The following ANKRD33B variants were observed in gnomAD, a reference collection of about 807,000 sequenced individuals.
ANKRD33B encodes ankyrin repeat domain-containing protein 33B.
In ANKRD33B, 6 loss-of-function variants were observed where a neutral mutation model predicts 21.5. The ratio of observed to expected loss-of-function variants is 0.28; its 90% confidence interval spans 0.15 to 0.55. The LOEUF is 0.55. Ranked by LOEUF, ANKRD33B falls within the 20% of genes least tolerant of loss-of-function variation. The pLI, the probability that ANKRD33B is intolerant of heterozygous loss-of-function variation, is 0.94. For missense variants in ANKRD33B, 698 were observed against 747.2 expected, an observed-to-expected ratio of 0.93 and a Z score of 0.77; for synonymous variants, 347 against 342.4, an observed-to-expected ratio of 1.01 and a Z score of -0.15.
At chr5:10,626,004 AG>A (rs1407840337) in intron 2 of ANKRD33B, among the ~76,000 whole-genome samples, 2 of 152,330 alleles carry the variant, frequency 1.3e-5, no homozygotes, top group East Asian at 1.9e-4. Context: ...AGAGTGACCC[AG>A]GCCAAGAAGC....
chr5:10,586,449 C>G (rs1320113034), intron 1 of ANKRD33B, among the ~76,000 whole-genome samples: 1 of 151,546 alleles, frequency 6.6e-6, no homozygotes, highest in African/African-American at 2.4e-5. Flanking sequence ...AGACCTGATA[C>G]ACTGTGAGAA....
At chr5:10,601,572 C>G (rs374122079) in intron 1 of ANKRD33B, among the ~76,000 whole-genome samples, 95 of 152,338 alleles carry the variant, frequency 6.2e-4, no homozygotes, top group African/African-American at 2.2e-3. Context: ...CTTCCCCAGA[C>G]TGAATGTCCT....
At chr5:10,597,728 T>C (rs1314109822) in intron 1 of ANKRD33B, among the ~76,000 whole-genome samples, 3 of 152,172 alleles carry the variant, frequency 2.0e-5, no homozygotes, top group African/African-American at 7.2e-5. Flanking sequence ...AACAACAGAA[T>C]ATACATTCCT....
At chr5:10,640,294 CT>C (rs1737014427) in intron 3 of ANKRD33B, among the ~76,000 whole-genome samples, 1 of 152,180 alleles carries the variant, frequency 6.6e-6, no homozygotes, top group African/African-American at 2.4e-5. Flanking sequence ...CCCTCTTTGT[CT>C]TTTGCGCCAT....
chr5:10,589,708 A>G (rs1735641987), intron 1 of ANKRD33B, among the ~76,000 whole-genome samples: 1 of 152,132 alleles, frequency 6.6e-6, no homozygotes, highest in African/African-American at 2.4e-5. Context: ...TAAAGTTATT[A>G]TATTCTGCCT....
At chr5:10,600,984 A>G (rs1735916625) in intron 1 of ANKRD33B, among the ~76,000 whole-genome samples, 1 of 152,142 alleles carries the variant, frequency 6.6e-6, no homozygotes, top group South Asian at 2.1e-4. Flanking sequence ...AGAAGACATT[A>G]ATGAACACCT....
At chr5:10,633,817 A>G (rs4702714) in intron 2 of ANKRD33B, among the ~76,000 whole-genome samples, 64,083 of 151,972 alleles carry the variant, frequency 0.42, 13,755 homozygotes, top group Middle Eastern at 0.56. Context: ...GACTGGAGTT[A>G]TGAGTTTTTG....
chr5:10,647,254 G>T (rs1737209843), intron 3 of ANKRD33B, among the ~76,000 whole-genome samples: 1 of 152,054 alleles, frequency 6.6e-6, no homozygotes, highest in African/African-American at 2.4e-5. Flanking sequence ...ACAGGTGCCT[G>T]CCACCACGCC....
Position 10,564,687 on chromosome 5 carries a change from AGCGTCCCGGAGG to A in ANKRD33B, c.231_242del (p.Gly78_Glu81del), listed in dbSNP as rs762063874. 99 of 1,534,070 alleles carry A rather than the reference AGCGTCCCGGAGG, an allele frequency of 6.5e-5. No homozygotes were observed. Among genetic ancestry groups the A allele is most frequent in the African/African-American group, 1.1e-4 (8 of 73,058 alleles). On this transcript the variant is annotated inframe_deletion, in exon 1 of 4. Coordinates refer to ENST00000296657, the MANE Select transcript of ANKRD33B (RefSeq NM_001164440.2). ...GGAGCACGGCGTCGAGAGCGCGGAGAGCGTCCCGGAGGGCGTCCCGGAAAGCGTCCCGGAGAC... is the reference window on the plus strand; with the variant it reads ...GGAGCACGGCGTCGAGAGCGCGGAGAGCGTCCCGGAAAGCGTCCCGGAGAC...
intron 3 of ANKRD33B, among the ~76,000 whole-genome samples, chr5:10,648,161 C>CGT (rs10651341): frequency 0.34 from 52,019 of 151,910 alleles, 9,074 homozygotes; most frequent in South Asian, 0.46. Flanking sequence ...CAGGATGAAA[C>CGT]GTGTTGAGCA....
chr5:10,577,097 CCCCTTCCCCTTT>C (rs1421881588), intron 1 of ANKRD33B, among the ~76,000 whole-genome samples: 3 of 148,822 alleles, frequency 2.0e-5, no homozygotes, highest in Non-Finnish European at 4.4e-5. Flanking sequence ...CCTTTCCCTT[CCCCTTCCCCTTT>C]CCCTTCCCCT....
rs535769382 is a variant in ANKRD33B at position 10,569,901 on chromosome 5, G to A, written c.366+5068G>A. Among the ~76,000 whole-genome samples the A allele has an allele frequency of 2.0e-5, 3 of 152,218 alleles. No homozygotes were observed. The South Asian group carries it at 6.2e-4, about 32-fold the overall frequency. ...GTTTTTGTTTTTTTGTTTAGAGATG[G>A]AGTCTCGCTCTGTCACCCAGTCTAG... On this transcript the variant is annotated intron_variant, in intron 1 of 3. Transcript: ENST00000296657.
intron 1 of ANKRD33B, among the ~76,000 whole-genome samples, chr5:10,569,107 A>G (rs1005329353): frequency 1.1e-4 from 17 of 152,218 alleles, no homozygotes; most frequent in African/African-American, 4.1e-4. Flanking sequence ...TTCCCCAAAA[A>G]TGAGAATCCA....
chr5:10,573,308 A>G (rs1735242054), intron 1 of ANKRD33B, among the ~76,000 whole-genome samples: 1 of 152,116 alleles, frequency 6.6e-6, no homozygotes, highest in Non-Finnish European at 1.5e-5. Context: ...CTTTACTAAA[A>G]ATACAAAAAA....
At chr5:10,630,690 A>G (rs1736688102) in intron 2 of ANKRD33B, among the ~76,000 whole-genome samples, 1 of 152,170 alleles carries the variant, frequency 6.6e-6, no homozygotes, top group Admixed American at 6.5e-5. Context: ...TAGGTTCAAC[A>G]AAGTGTGGAC....
At chr5:10,631,706 C>T (rs1322454823) in intron 2 of ANKRD33B, among the ~76,000 whole-genome samples, 7 of 152,210 alleles carry the variant, frequency 4.6e-5, no homozygotes, top group South Asian at 4.1e-4. Context: ...AGTGTGCAAT[C>T]GAGCTCCGTG....
intron 2 of ANKRD33B, among the ~76,000 whole-genome samples, chr5:10,631,076 T>C (rs1359071113): frequency 6.6e-6 from 1 of 152,056 alleles, no homozygotes. Context: ...TAGGGCAGTA[T>C]TTTTAGGTTT....
chr5:10,564,235 C>CCGCCCCGCCT lies in ANKRD33B; in HGVS notation c.-230_-221dup, dbSNP rs1304863602. 1 of 160,718 alleles carries CCGCCCCGCCT rather than the reference C, an allele frequency of 6.2e-6. No individual in the cohort carries two copies. The highest frequency in any genetic ancestry group is 1.3e-5 in the Non-Finnish European group (1 of 74,944). The allele number at this position is 160,718 out of a possible 1,614,324, so 10.0% of individuals were successfully genotyped here. A position where few individuals can be genotyped will look rare whatever the true frequency, so the allele number is the denominator to read the frequency against. On this transcript the variant is annotated 5_prime_UTR_variant, in exon 1 of 4. Transcript: ENST00000296657. The stretch of plus-strand genomic sequence containing the variant: ...GGAAGGCGTGTCCCCGCGCCCCGCC[C>CCGCCCCGCCT]CGCCCCGCCTCGGAAAGCCCCCGCG...
Position 10,650,688 on chromosome 5 carries a change from G to C in ANKRD33B, c.*575G>C, listed in dbSNP as rs1737330043. ...TTAGTCATTAGATTAAGTGTTGCCG[G>C]ATATTTCTATTTGACGGAGGCATTG... On this transcript the variant is annotated 3_prime_UTR_variant, in exon 4 of 4. Transcript: ENST00000296657. The C allele has an allele frequency of 6.6e-6, 1 of 152,312 alleles. No individual in the cohort carries two copies. Among genetic ancestry groups the C allele is most frequent in the South Asian group, 2.1e-4 (1 of 4,834 alleles). The allele number at this position is 152,312 out of a possible 1,614,324, so 9.4% of individuals were successfully genotyped here.
Sources: allele counts gnomAD v4.1 joint callset (sites outside exome capture counted in the v4.1 genomes callset), GRCh38; gene constraint gnomAD v4.1.1; transcripts MANE v1.5; gene names NCBI Gene and HGNC (gene_info 2026-07-23, HGNC 2026-07-21).